Variants in SPTLC2 observed in about 807,000 individuals in gnomAD.
The protein encoded by SPTLC2 is serine palmitoyltransferase long chain base subunit 2.
SPTLC2 carries 21 observed loss-of-function variants against 62.0 expected under a neutral mutation model. The ratio of observed to expected loss-of-function variants is 0.34; its 90% CI spans 0.24 to 0.49. SPTLC2 has a LOEUF of 0.49. SPTLC2 is among the 20% of genes least tolerant of loss of function. The probability of loss-of-function intolerance (pLI) is 0.99; values close to 1 mark genes in which losing one functional copy is unlikely to be tolerated. For missense variants in SPTLC2, 511 were observed against 713.0 expected (o/e 0.72, Z 3.23); for synonymous variants, 261 against 261.8 (o/e 1.00, Z 0.03).
intron 5 of SPTLC2, among the ~76,000 whole-genome samples, chr14:77,569,025 C>A (rs897478153): frequency 1.3e-5 from 2 of 152,128 alleles, no homozygotes; most frequent in African/African-American, 4.8e-5. Flanking sequence ...CTTAGCGTTC[C>A]AATAATGGAA....
chr14:77,564,604 A>C (rs2079634666), intron 5 of SPTLC2, among the ~76,000 whole-genome samples: 2 of 152,132 alleles, frequency 1.3e-5, no homozygotes, highest in Middle Eastern at 3.4e-3. Context: ...AAGAACCAGC[A>C]CTTCTTGGAG....
Position 77,597,347 on chromosome 14 carries a change from T to C in SPTLC2, c.166A>G (p.Lys56Glu), listed in dbSNP as rs1251070277. Residue 56 changes from lysine (K) to glutamate (E), a missense_variant, in exon 2 of 12, where the codon AAA (lysine) becomes GAA (glutamate). Physicochemically the swap from Lys to Glu is moderately conservative, Grantham distance 56. Transcript: ENST00000216484. ...HHVTQNGGLY[K>E]RPFNEAFEET... Reference sequence around the variant, plus strand: ...TCAAAAGCTTCATTAAACGGTCTTTTATATAGTCCTCCATTTTGTGTAACA... The same window carrying C: ...TCAAAAGCTTCATTAAACGGTCTTTCATATAGTCCTCCATTTTGTGTAACA... The C allele has an allele frequency of 6.2e-7, 1 of 1,614,216 alleles. No individual in the cohort carries two copies. The highest frequency in any genetic ancestry group is 1.7e-5 in the Admixed American group (1 of 60,028).
chr14:77,564,251 A>AAG (rs1555375810), intron 5 of SPTLC2, among the ~76,000 whole-genome samples: 9 of 147,932 alleles, frequency 6.1e-5, no homozygotes, highest in Admixed American at 1.4e-4. Context: ...AAAAAAAAAA[A>AAG]AGGAGGAGGA....
intron 2 of SPTLC2, among the ~76,000 whole-genome samples, chr14:77,585,239 T>C (rs992275196): frequency 2.0e-5 from 3 of 152,252 alleles, no homozygotes; most frequent in Admixed American, 2.0e-4. Flanking sequence ...AACGTGGTCA[T>C]TATAATTATT....
intron 1 of SPTLC2, among the ~76,000 whole-genome samples, chr14:77,613,335 G>A (rs897228266): frequency 1.3e-5 from 2 of 152,186 alleles, no homozygotes; most frequent in African/African-American, 4.8e-5. Flanking sequence ...TAATGTAAAA[G>A]TTTCCCTCGG....
chr14:77,513,225 A>G (rs937411923), intron 11 of SPTLC2, among the ~76,000 whole-genome samples: 2 of 151,842 alleles, frequency 1.3e-5, no homozygotes, highest in Admixed American at 6.6e-5. Context: ...CATGTTGGCC[A>G]GGCTAGTCTT....
intron 4 of SPTLC2, among the ~76,000 whole-genome samples, chr14:77,576,372 CT>C (rs1208782561): frequency 6.6e-6 from 1 of 152,182 alleles, no homozygotes; most frequent in Non-Finnish European, 1.5e-5. Context: ...TAAAAGAGCT[CT>C]ATAAGGCAGG....
chr14:77,513,077 G>A (rs2139989762), intron 11 of SPTLC2, among the ~76,000 whole-genome samples: 1 of 131,852 alleles, frequency 7.6e-6, no homozygotes, highest in Non-Finnish European at 1.5e-5. Context: ...CCAGGCTGGA[G>A]TACAGTGGCA....
At chr14:77,550,724 A>C (rs1035117308) in intron 9 of SPTLC2, among the ~76,000 whole-genome samples, 12 of 151,964 alleles carry the variant, frequency 7.9e-5, no homozygotes, top group Admixed American at 6.6e-4. Context: ...CAACATGGTG[A>C]AACCCCATCT....
intron 9 of SPTLC2, among the ~76,000 whole-genome samples, chr14:77,538,719 C>T (rs765106302): frequency 2.6e-5 from 4 of 151,956 alleles, no homozygotes; most frequent in African/African-American, 9.7e-5. Context: ...TACAGGCATG[C>T]GTCACCACAT....
chr14:77,561,736 A>C (rs2079616265), intron 6 of SPTLC2, among the ~76,000 whole-genome samples: 1 of 152,212 alleles, frequency 6.6e-6, no homozygotes, highest in Non-Finnish European at 1.5e-5. Context: ...ATCATCTATG[A>C]TCCTTCCATC....
chr14:77,580,699 T>G (rs1009814570), intron 2 of SPTLC2, among the ~76,000 whole-genome samples: 1 of 151,964 alleles, frequency 6.6e-6, no homozygotes, highest in South Asian at 2.1e-4. Context: ...CTCCAGTCTG[T>G]GCAACAGAGC....
At chr14:77,524,969 C>T (rs1385135539) in intron 9 of SPTLC2, among the ~76,000 whole-genome samples, 6 of 151,956 alleles carry the variant, frequency 3.9e-5, no homozygotes, top group African/African-American at 1.2e-4. Flanking sequence ...AATAGTTTAC[C>T]GTGTATTTCA....
chr14:77,577,004 C>T, intron 3 of SPTLC2, 89 bp from the exon 4 acceptor site: 7 of 1,450,580 alleles, frequency 4.8e-6, no homozygotes, highest in East Asian at 2.3e-5. Flanking sequence ...CAAAAGGAAG[C>T]AGAGAGAACA....
chr14:77,583,966 A>G (rs1232647121), intron 2 of SPTLC2, among the ~76,000 whole-genome samples: 1 of 152,160 alleles, frequency 6.6e-6, no homozygotes, highest in Non-Finnish European at 1.5e-5. Flanking sequence ...AGGGAAAACA[A>G]TACCTACTCG....
intron 7 of SPTLC2, among the ~76,000 whole-genome samples, chr14:77,556,132 G>A (rs749118448): frequency 5.9e-5 from 9 of 151,864 alleles, no homozygotes; most frequent in Admixed American, 2.6e-4. Context: ...AGACCAGCCC[G>A]GCCAACACAG....
rs1425465170 is a variant in SPTLC2, at chr14:77,616,630, C to A, written c.-51G>T. ...CAGGCTCTGTAGGCGGTGGCAGCGG[C>A]GGCGGCTGCTCCAAGTCCCGCTCCG... On this transcript the variant is annotated 5_prime_UTR_variant, in exon 1 of 12. Coordinates refer to ENST00000216484, the MANE Select transcript of SPTLC2 (RefSeq NM_004863.4). 5 of 1,517,244 alleles carry A rather than the reference C, an allele frequency of 3.3e-6. No homozygotes were observed. The East Asian group carries it at 1.2e-4, about 37-fold the overall frequency. 94.0% of individuals were successfully genotyped at this position (1,517,244 alleles called of 1,614,324 possible). A position where few individuals can be genotyped will look rare whatever the true frequency, so the allele number is the denominator to read the frequency against.
At chr14:77,593,179 T>A (rs2079827887) in intron 2 of SPTLC2, among the ~76,000 whole-genome samples, 1 of 152,090 alleles carries the variant, frequency 6.6e-6, no homozygotes, top group African/African-American at 2.4e-5. Context: ...AAATATCTGA[T>A]CATGAACAAG....
At chr14:77,566,331 T>A (rs78296880) in intron 5 of SPTLC2, among the ~76,000 whole-genome samples, 1 of 152,192 alleles carries the variant, frequency 6.6e-6, no homozygotes, top group Non-Finnish European at 1.5e-5. Context: ...ATGTTTCAGG[T>A]ATCATGTTAA....
Sources: gnomAD v4.1 joint callset for allele counts (sites outside exome capture counted in the v4.1 genomes callset) on GRCh38, gnomAD v4.1.1 for gene constraint, MANE v1.5 for transcripts, NCBI Gene and HGNC (gene_info 2026-07-23, HGNC 2026-07-21) for gene names.